The following UNC5D variants were observed in gnomAD, a reference collection of about 807,000 sequenced individuals.
UNC5D encodes netrin receptor UNC5D.
In UNC5D, 39 loss-of-function variants were observed where a neutral mutation model predicts 105.4. That is an observed-to-expected ratio of 0.37 (90% CI 0.29 to 0.48). The LOEUF (loss-of-function observed/expected upper bound fraction) is 0.48, where lower values mean the gene tolerates loss of function less well. Ranked by LOEUF, UNC5D falls within the 20% of genes least tolerant of loss-of-function variation. The probability of loss-of-function intolerance (pLI) is 0.98; values close to 1 mark genes in which losing one functional copy is unlikely to be tolerated. For missense variants in UNC5D, 991 were observed against 1,202.4 expected, an observed-to-expected ratio of 0.82 and a Z score of 2.60; for synonymous variants, 452 against 450.4, an observed-to-expected ratio of 1.00 and a Z score of -0.04.
intron 1 of UNC5D, among the ~76,000 whole-genome samples, chr8:35,497,121 A>G (rs1277397613): frequency 1.3e-5 from 2 of 152,216 alleles, no homozygotes; most frequent in Non-Finnish European, 2.9e-5. Flanking sequence ...TTGATGAAGA[A>G]GTAGATAGTC....
At chr8:35,544,595 G>A (rs529287587) in intron 1 of UNC5D, 3 of 573,134 alleles carry the variant, frequency 5.2e-6, no homozygotes, top group South Asian at 2.3e-5. Flanking sequence ...TTTCGTTTTC[G>A]TTTTTTTTTT....
intron 1 of UNC5D, among the ~76,000 whole-genome samples, chr8:35,439,713 C>T (rs570940718): frequency 2.6e-5 from 4 of 151,990 alleles, no homozygotes; most frequent in African/African-American, 9.6e-5. Flanking sequence ...GTCCTTTTTC[C>T]ATCTTCTAAA....
chr8:35,607,626 G>C (rs1820385859), intron 4 of UNC5D, among the ~76,000 whole-genome samples: 1 of 152,120 alleles, frequency 6.6e-6, no homozygotes, highest in Non-Finnish European at 1.5e-5. Flanking sequence ...CCCCATGCTG[G>C]TCTCATGATA....
At chr8:35,638,018 A>G (rs2131113327) in intron 4 of UNC5D, among the ~76,000 whole-genome samples, 1 of 152,262 alleles carries the variant, frequency 6.6e-6, no homozygotes, top group East Asian at 1.9e-4. Context: ...AAAACTGAAA[A>G]AGCCTGTGGT....
chr8:35,755,286 C>A (rs1481086590), intron 13 of UNC5D, among the ~76,000 whole-genome samples: 1 of 151,820 alleles, frequency 6.6e-6, no homozygotes, highest in Non-Finnish European at 1.5e-5. Context: ...GTTTTTTTTG[C>A]CATTGCTCCC....
chr8:35,546,146 C>T (rs1815660704), intron 1 of UNC5D, among the ~76,000 whole-genome samples: 1 of 152,146 alleles, frequency 6.6e-6, no homozygotes, highest in South Asian at 2.1e-4. Flanking sequence ...ATCCTCTCGC[C>T]TTTGCCTCCC....
chr8:35,425,061 G>A (rs946004044), intron 1 of UNC5D, among the ~76,000 whole-genome samples: 1 of 152,222 alleles, frequency 6.6e-6, no homozygotes, highest in East Asian at 1.9e-4. Flanking sequence ...GGGAGGGATA[G>A]CATTAGGAGA....
intron 16 of UNC5D, among the ~76,000 whole-genome samples, chr8:35,783,833 T>C (rs1586640725): frequency 6.6e-6 from 1 of 152,154 alleles, no homozygotes; most frequent in South Asian, 2.1e-4. Context: ...GGCAGAATTC[T>C]ATCATGGTTC....
At chr8:35,726,797 A>T in intron 10 of UNC5D, 1 of 495,332 alleles carries the variant, frequency 2.0e-6, no homozygotes, top group South Asian at 3.0e-5. Flanking sequence ...AGGTTTGGGT[A>T]GTCCCCAGGC....
chr8:35,400,836 C>T (rs1286998316), intron 1 of UNC5D, among the ~76,000 whole-genome samples: 1 of 152,126 alleles, frequency 6.6e-6, no homozygotes, highest in African/African-American at 2.4e-5. Context: ...TTTGTAATTG[C>T]CACTTTTCTT....
chr8:35,342,914 C>T (rs1394260021), intron 1 of UNC5D, among the ~76,000 whole-genome samples: 2 of 152,096 alleles, frequency 1.3e-5, no homozygotes, highest in South Asian at 2.1e-4. Context: ...GAGTGCAGAG[C>T]ATTTTAAACA....
At chr8:35,707,955 C>T (rs1413630178) in intron 8 of UNC5D, among the ~76,000 whole-genome samples, 1 of 152,054 alleles carries the variant, frequency 6.6e-6, no homozygotes. Flanking sequence ...CAAAAGGCTC[C>T]CAGAGGAATC....
At chr8:35,430,365 G>A (rs374961746) in intron 1 of UNC5D, among the ~76,000 whole-genome samples, 65 of 152,196 alleles carry the variant, frequency 4.3e-4, no homozygotes, top group African/African-American at 1.2e-3. Context: ...TTTCCCATGC[G>A]TTGCCCTGTG....
chr8:35,660,922 T>G (rs907791575), intron 4 of UNC5D, among the ~76,000 whole-genome samples: 1 of 151,998 alleles, frequency 6.6e-6, no homozygotes, highest in Non-Finnish European at 1.5e-5. Context: ...TGAGACCCCT[T>G]CTCTACAAAA....
rs141667710 is a variant in UNC5D, at chr8:35,281,468, C to A, written c.103+45581C>A. Among the ~76,000 whole-genome samples the A allele has an allele frequency of 6.6e-3, 985 of 149,134 alleles. 7 individuals carry two copies. Among genetic ancestry groups the A allele is most frequent in the Non-Finnish European group, 0.011 (762 of 67,604 alleles). ...TCCTCTTCTTTTTTTGAGATGGAGT[C>A]TCGCTCTGTCGCCCAGGCTGGAGTG... is the stretch of plus-strand genomic sequence containing the variant. On this transcript the variant is annotated intron_variant, in intron 1 of 16. Coordinates refer to ENST00000404895, the MANE Select transcript of UNC5D (RefSeq NM_080872.4).
intron 1 of UNC5D, among the ~76,000 whole-genome samples, chr8:35,480,784 G>T (rs1053676611): frequency 6.6e-5 from 10 of 152,128 alleles, no homozygotes; most frequent in African/African-American, 2.4e-4. Flanking sequence ...GATCAGGAAT[G>T]GTTACTGTTC....
intron 1 of UNC5D, among the ~76,000 whole-genome samples, chr8:35,310,769 G>C (rs998160026): frequency 1.3e-5 from 2 of 152,010 alleles, no homozygotes; most frequent in Non-Finnish European, 2.9e-5. Context: ...ACTAGTGCCG[G>C]TGGATCAGTG....
At position 35,572,197 on chromosome 8, in the gene UNC5D, AG is replaced by A. The variant is rs1817771880; in HGVS notation, c.466+3958del. ...CAGCTACTTGGGAGGCTGAGGTGGG[AG>A]GATCGTTTGAGCCCGGGAGGTGGAG... On this transcript the variant is annotated intron_variant, in intron 3 of 16. Transcript: ENST00000404895. Among the ~76,000 whole-genome samples, 5 of 135,074 alleles carry A rather than the reference AG, an allele frequency of 3.7e-5. No individual in the cohort carries two copies. The South Asian group carries it at 1.3e-3, about 35-fold the overall frequency. The allele number at this position is 135,074 out of a possible 152,430, so 88.6% of individuals were successfully genotyped here. A position where few individuals can be genotyped will look rare whatever the true frequency, so the allele number is the denominator to read the frequency against.
At chr8:35,630,336 A>G (rs992592844) in intron 4 of UNC5D, among the ~76,000 whole-genome samples, 1 of 152,186 alleles carries the variant, frequency 6.6e-6, no homozygotes, top group East Asian at 1.9e-4. Flanking sequence ...ATTATCAGGG[A>G]TTATTAGCCA....
Sources: allele counts gnomAD v4.1 joint callset (sites outside exome capture counted in the v4.1 genomes callset), GRCh38; gene constraint gnomAD v4.1.1; transcripts MANE v1.5; gene names NCBI Gene and HGNC (gene_info 2026-07-23, HGNC 2026-07-21).